The following SMYD3 variants were observed in gnomAD, a reference collection of about 807,000 sequenced individuals.
SMYD3 encodes the protein SET and MYND domain containing 3, also known as histone-lysine N-methyltransferase SMYD3.
SMYD3 carries 36 observed loss-of-function variants against 57.7 expected under a neutral mutation model. The ratio of observed to expected loss-of-function variants is 0.62; its 90% confidence interval spans 0.48 to 0.82. SMYD3 has a LOEUF of 0.82. SMYD3 is among the 40% of genes least tolerant of loss of function. The pLI is 0.00. For synonymous variants in SMYD3, 211 were observed against 195.0 expected, an observed-to-expected ratio of 1.08 and a Z score of -0.68; for missense variants, 515 against 538.8, an observed-to-expected ratio of 0.96 and a Z score of 0.44.
intron 5 of SMYD3, among the ~76,000 whole-genome samples, chr1:246,315,423 C>T (rs1322469381): frequency 1.3e-5 from 2 of 152,120 alleles, no homozygotes; most frequent in African/African-American, 4.8e-5. Context: ...AGCAGGACCT[C>T]AATAGAGAGG....
chr1:245,898,010 G>A (rs538525784), intron 8 of SMYD3, among the ~76,000 whole-genome samples: 1 of 152,300 alleles, frequency 6.6e-6, no homozygotes, highest in South Asian at 2.1e-4. Context: ...TCAGGCCTCA[G>A]TGCAGGGAAA....
intron 5 of SMYD3, among the ~76,000 whole-genome samples, chr1:246,103,434 A>C (rs942153580): frequency 6.6e-6 from 1 of 151,584 alleles, no homozygotes; most frequent in African/African-American, 2.4e-5. Flanking sequence ...CAGTTTGTCC[A>C]TGTAAAAAGA....
At chr1:246,239,443 C>A (rs1320555731) in intron 5 of SMYD3, among the ~76,000 whole-genome samples, 1 of 152,168 alleles carries the variant, frequency 6.6e-6, no homozygotes, top group African/African-American at 2.4e-5. Context: ...TTTTTTATGG[C>A]TGCATAGTAT....
chr1:246,417,585 T>A (rs182929383), intron 1 of SMYD3, among the ~76,000 whole-genome samples: 2 of 152,240 alleles, frequency 1.3e-5, no homozygotes, highest in African/African-American at 2.4e-5. Flanking sequence ...TTCCTTGGTA[T>A]GAGTCATGGT....
chr1:245,947,391 C>T (rs557565049), intron 5 of SMYD3: 61 of 457,142 alleles, frequency 1.3e-4, no homozygotes, highest in African/African-American at 1.1e-3. Context: ...TTCCTTCCTA[C>T]CCCGGTCCTC....
At chr1:245,817,034 T>C (rs376898980) in intron 10 of SMYD3, among the ~76,000 whole-genome samples, 18 of 151,474 alleles carry the variant, frequency 1.2e-4, no homozygotes, top group South Asian at 6.3e-4. Context: ...TCGAACTGGG[T>C]GGAGCCCACC....
At chr1:246,290,105 C>A (rs1170114069) in intron 5 of SMYD3, among the ~76,000 whole-genome samples, 2 of 152,100 alleles carry the variant, frequency 1.3e-5, no homozygotes, top group African/African-American at 4.8e-5. Context: ...GGAGAAACAG[C>A]AACACAGCAA....
intron 1 of SMYD3, among the ~76,000 whole-genome samples, chr1:246,418,278 C>A (rs2102994233): frequency 6.6e-6 from 1 of 152,324 alleles, no homozygotes; most frequent in South Asian, 2.1e-4. Flanking sequence ...TTATAAGAAA[C>A]ATGAAGAGAA....
chr1:245,866,648 C>T (rs540830155), intron 8 of SMYD3, among the ~76,000 whole-genome samples: 1 of 152,124 alleles, frequency 6.6e-6, no homozygotes, highest in South Asian at 2.1e-4. Flanking sequence ...AGGAGAATGG[C>T]TTGAACGTGG....
chr1:246,123,788 G>A (rs2061462567), intron 5 of SMYD3, among the ~76,000 whole-genome samples: 1 of 151,784 alleles, frequency 6.6e-6, no homozygotes, highest in South Asian at 2.1e-4. Flanking sequence ...ACAAAGGGAT[G>A]CATACTGTCC....
chr1:246,505,091 T>G (rs2068515731), intron 1 of SMYD3, among the ~76,000 whole-genome samples: 1 of 152,244 alleles, frequency 6.6e-6, no homozygotes. Flanking sequence ...ATATTTTGTG[T>G]CTGTGTAAAA....
chr1:246,418,752 G>T (rs563806242), intron 1 of SMYD3, among the ~76,000 whole-genome samples: 1 of 152,120 alleles, frequency 6.6e-6, no homozygotes, highest in African/African-American at 2.4e-5. Context: ...CAAACTCCAC[G>T]TCGTTCTGCT....
chr1:246,166,375 C>T (rs889219145), intron 5 of SMYD3, among the ~76,000 whole-genome samples: 7 of 152,170 alleles, frequency 4.6e-5, no homozygotes, highest in African/African-American at 1.7e-4. Context: ...ATGACTGAAA[C>T]CTACCCTGAT....
intron 1 of SMYD3, among the ~76,000 whole-genome samples, chr1:246,357,057 C>T (rs2065920398): frequency 1.3e-5 from 2 of 152,144 alleles, no homozygotes; most frequent in Admixed American, 6.5e-5. Flanking sequence ...TAAAAGAAAA[C>T]CTATCAGAGC....
At chr1:246,427,499 G>A (rs560068775) in intron 1 of SMYD3, among the ~76,000 whole-genome samples, 6 of 138,714 alleles carry the variant, frequency 4.3e-5, no homozygotes, top group African/African-American at 8.0e-5. Context: ...CAGCCTGGGC[G>A]ACAGAGCGAG....
chr1:246,334,990 C>A (rs769929022), intron 3 of SMYD3, among the ~76,000 whole-genome samples: 1 of 152,142 alleles, frequency 6.6e-6, no homozygotes, highest in Admixed American at 6.5e-5. Context: ...TAAGAAATTG[C>A]CACAGCCACC....
intron 1 of SMYD3, among the ~76,000 whole-genome samples, chr1:246,375,450 GA>G (rs1248304050): frequency 2.8e-5 from 4 of 142,530 alleles, no homozygotes; most frequent in African/African-American, 1.0e-4. Context: ...TTTTGGATGA[GA>G]AAAATAAGTT....
At chr1:246,143,756 T>C (rs2061799745) in intron 5 of SMYD3, among the ~76,000 whole-genome samples, 1 of 152,222 alleles carries the variant, frequency 6.6e-6, no homozygotes, top group African/African-American at 2.4e-5. Flanking sequence ...TTCTGCTTAT[T>C]CATGCTTTGG....
chr1:246,365,630 A>C (rs1466748194), intron 1 of SMYD3, among the ~76,000 whole-genome samples: 1 of 152,194 alleles, frequency 6.6e-6, no homozygotes, highest in African/African-American at 2.4e-5. Context: ...CCCATAAAAA[A>C]AAAGTAGGAC....
Sources: gnomAD v4.1 joint callset for allele counts (sites outside exome capture counted in the v4.1 genomes callset) on GRCh38, gnomAD v4.1.1 for gene constraint, MANE v1.5 for transcripts, NCBI Gene and HGNC (gene_info 2026-07-23, HGNC 2026-07-21) for gene names.